The following UQCC1 variants were observed in gnomAD, a reference collection of about 807,000 sequenced individuals.
The protein encoded by UQCC1 is bFGF-repressed Zic-binding protein.
Under a neutral mutation model 48.0 loss-of-function variants are expected in UQCC1, and 38 were observed. The ratio of observed to expected loss-of-function variants is 0.79; its 90% CI spans 0.61 to 1.04. The LOEUF (loss-of-function observed/expected upper bound fraction) is 1.04. Ranked by LOEUF, UQCC1 falls within the 50% of genes least tolerant of loss-of-function variation. The pLI is 0.00. For synonymous variants in UQCC1, 111 were observed against 129.2 expected, an observed-to-expected ratio of 0.86 and a Z score of 0.95; for missense variants, 368 against 381.8, an observed-to-expected ratio of 0.96 and a Z score of 0.30.
rs2060933309 is a variant in UQCC1 at position 35,306,732 on chromosome 20, G to A, written c.699C>T (p.Thr233=). Residue 233 remains threonine (T), a synonymous_variant, in exon 9 of 10, where the codon ACC becomes ACT. Transcript: ENST00000374385. ...GGTCTTCACATTTCCGGTTGAAGAA[G>A]GTTCTCCAGAGGGCAGCGGCCAGCC... ...DHGLAAALWR[T]FFNRKCEDPR... is the part of the protein sequence containing the mutation. 1 of 1,614,050 alleles carries A rather than the reference G, an allele frequency of 6.2e-7. No homozygotes were observed. Among genetic ancestry groups the A allele is most frequent in the African/African-American group, 1.3e-5 (1 of 75,036 alleles).
intron 8 of UQCC1, among the ~76,000 whole-genome samples, chr20:35,308,995 G>A (rs147789453): frequency 7.1e-4 from 108 of 152,284 alleles, no homozygotes; most frequent in Middle Eastern, 3.4e-3. Flanking sequence ...GATTACAGGC[G>A]TGAGCCACCG....
At chr20:35,314,023 G>A (rs2061026550) in intron 8 of UQCC1, among the ~76,000 whole-genome samples, 1 of 152,104 alleles carries the variant, frequency 6.6e-6, no homozygotes, top group Non-Finnish European at 1.5e-5. Context: ...AGAGTGCAGA[G>A]GCATGATCTC....
Position 35,391,429 on chromosome 20 carries a change from C to T in UQCC1, c.129+2663G>A, listed in dbSNP as rs531181983. On this transcript the variant is annotated intron_variant, in intron 2 of 9. Transcript: ENST00000374385. Reference sequence around the variant, plus strand: ...TTGAGGTCAGGAGTTTGAGACCAGCCTGTTCACCAAATGGTGAAACCCCGT... The same window carrying T: ...TTGAGGTCAGGAGTTTGAGACCAGCTTGTTCACCAAATGGTGAAACCCCGT... 2.0e-5 allele frequency among the ~76,000 whole-genome samples: 3 copies of T among 152,198 alleles called. No homozygotes were observed. In the South Asian group the frequency reaches 6.2e-4, roughly 32 times the overall value.
At chr20:35,410,510 T>A (rs2062333450) in intron 1 of UQCC1, among the ~76,000 whole-genome samples, 1 of 145,368 alleles carries the variant, frequency 6.9e-6, no homozygotes, top group Non-Finnish European at 1.5e-5. Flanking sequence ...CCACCCTGGG[T>A]GACAGAGCGA....
intron 8 of UQCC1, among the ~76,000 whole-genome samples, chr20:35,312,238 A>G (rs2061002427): frequency 6.6e-6 from 1 of 152,158 alleles, no homozygotes; most frequent in African/African-American, 2.4e-5. Flanking sequence ...ATAATTCTCA[A>G]TTCCCAACCC....
chr20:35,357,835 A>C (rs1313541637), intron 6 of UQCC1, among the ~76,000 whole-genome samples: 1 of 152,194 alleles, frequency 6.6e-6, no homozygotes, highest in Non-Finnish European at 1.5e-5. Flanking sequence ...TTGAGTCATT[A>C]AGTAAGCTAT....
At chr20:35,352,322 G>T (rs559302960) in intron 6 of UQCC1, among the ~76,000 whole-genome samples, 3 of 152,332 alleles carry the variant, frequency 2.0e-5, no homozygotes, top group Non-Finnish European at 4.4e-5. Context: ...AAGCCAGAAA[G>T]GTCATGAAGA....
In UQCC1 at chr20:35,401,113, G is replaced by C. The variant is rs530613525; in HGVS notation, c.25-6917C>G. 1.8e-4 allele frequency among the ~76,000 whole-genome samples: 28 copies of C among 152,278 alleles called. 1 individual carries two copies. The highest frequency in any genetic ancestry group is 6.5e-4 in the African/African-American group (27 of 41,560). On this transcript the variant is annotated intron_variant, in intron 1 of 9. Coordinates refer to ENST00000374385, the MANE Select transcript of UQCC1 (RefSeq NM_018244.5). ...AAGGAAATGCCAGACTTAGGTTCCT[G>C]GAAGCCTCTGGTCACAACATTCATC...
At chr20:35,385,012 C>T (rs1044617184) in intron 2 of UQCC1, among the ~76,000 whole-genome samples, 2 of 146,452 alleles carry the variant, frequency 1.4e-5, no homozygotes, top group Non-Finnish European at 1.5e-5. Context: ...CCCTGGAAAC[C>T]TGGAACTACA....
chr20:35,365,432 A>C (rs996781236), intron 6 of UQCC1, among the ~76,000 whole-genome samples: 1 of 152,232 alleles, frequency 6.6e-6, no homozygotes, highest in Non-Finnish European at 1.5e-5. Flanking sequence ...AGGTAGGTGG[A>C]TCACTTGAGG....
At chr20:35,328,012 A>C (rs76665194) in intron 7 of UQCC1, among the ~76,000 whole-genome samples, 1 of 46,666 alleles carries the variant, frequency 2.1e-5, no homozygotes, top group African/African-American at 1.4e-4. Context: ...CAAAAAAAGG[A>C]AAAAAAAAAA....
At chr20:35,341,045 A>G (rs1015912754) in intron 7 of UQCC1, among the ~76,000 whole-genome samples, 1 of 152,006 alleles carries the variant, frequency 6.6e-6, no homozygotes, top group East Asian at 1.9e-4. Context: ...TCGGGCTAAC[A>G]TGGTGAAACC....
At chr20:35,364,006 G>A (rs145152938) in intron 6 of UQCC1, among the ~76,000 whole-genome samples, 7 of 152,254 alleles carry the variant, frequency 4.6e-5, no homozygotes, top group African/African-American at 1.7e-4. Context: ...GATTCTTGGA[G>A]GATCACAGCA....
intron 6 of UQCC1, among the ~76,000 whole-genome samples, chr20:35,363,620 A>T (rs1302690296): frequency 3.9e-5 from 6 of 152,234 alleles, no homozygotes; most frequent in Non-Finnish European, 5.9e-5. Flanking sequence ...GTCAACAGGG[A>T]ACCCTTACCC....
chr20:35,396,615 G>T (rs1288324362), intron 1 of UQCC1, among the ~76,000 whole-genome samples: 1 of 152,172 alleles, frequency 6.6e-6, no homozygotes, highest in Non-Finnish European at 1.5e-5. Context: ...ACACACGTGG[G>T]CAACTTGATT....
intron 7 of UQCC1, among the ~76,000 whole-genome samples, chr20:35,316,280 G>T (rs1203242631): frequency 1.3e-5 from 2 of 152,164 alleles, no homozygotes; most frequent in Non-Finnish European, 2.9e-5. Context: ...CACCTGTCAT[G>T]GGCTGGGAGG....
At chr20:35,310,359 G>C (rs913604435) in intron 8 of UQCC1, among the ~76,000 whole-genome samples, 1 of 152,058 alleles carries the variant, frequency 6.6e-6, no homozygotes, top group Non-Finnish European at 1.5e-5. Flanking sequence ...GAATTGGGAG[G>C]ATTTAGCGGG....
chr20:35,409,731 T>C (rs892956534), intron 1 of UQCC1, among the ~76,000 whole-genome samples: 1 of 151,766 alleles, frequency 6.6e-6, no homozygotes. Context: ...AAACCATCAC[T>C]GGAGAAGGGA....
rs749961507 is a variant in UQCC1, at chr20:35,411,926, A to G, written c.24+14T>C. ...ACCCAGAGAGCTACCGTAGAAAATTACTCCTTCACTCACAAGGACTCGCAC... is the reference window on the plus strand; with the variant it reads ...ACCCAGAGAGCTACCGTAGAAAATTGCTCCTTCACTCACAAGGACTCGCAC... On this transcript the variant is annotated intron_variant, in intron 1 of 9. Transcript: ENST00000374385. 4.3e-6 allele frequency: 7 copies of G among 1,613,850 alleles called. No individual in the cohort carries two copies. The Admixed American group carries it at 8.3e-5, about 19-fold the overall frequency.
Sources: gnomAD v4.1 joint callset for allele counts (sites outside exome capture counted in the v4.1 genomes callset) on GRCh38, gnomAD v4.1.1 for gene constraint, MANE v1.5 for transcripts, NCBI Gene and HGNC (gene_info 2026-07-23, HGNC 2026-07-21) for gene names.